Variants in ZNF677 observed in about 807,000 individuals in gnomAD.
The protein encoded by ZNF677 is hypothetical protein MGC48625.
ZNF677 carries 5 observed loss-of-function variants against 8.1 expected under a neutral mutation model. The observed-to-expected ratio is 0.62, with a 90% CI of 0.32 to 1.29. The LOEUF (loss-of-function observed/expected upper bound fraction) is 1.29. Among genes scored for constraint, ZNF677 ranks in the 50% most tolerant of loss-of-function variants. The pLI, the probability that ZNF677 is intolerant of heterozygous loss-of-function variation, is 0.05. For missense variants in ZNF677, 685 were observed against 685.9 expected, an observed-to-expected ratio of 1.00 and a Z score of 0.01; for synonymous variants, 221 against 225.6, an observed-to-expected ratio of 0.98 and a Z score of 0.18.
rs541539640 is a variant in ZNF677, at chr19:53,237,244, C to T, written c.1483G>A (p.Ala495Thr). 7 of 1,613,838 alleles carry T rather than the reference C, an allele frequency of 4.3e-6. No homozygotes were observed. The Admixed American group carries it at 1.0e-4, about 23-fold the overall frequency. The change falls in exon 5 of 5, where the codon GCC becomes ACC. Residue 495 changes from alanine (A) to threonine (T), a missense_variant. Coordinates refer to ENST00000598513, the MANE Select transcript of ZNF677 (RefSeq NM_182609.4). Reference protein sequence around the residue: ...KPYKCTECGKAFTERSNLTQH... With the variant: ...KPYKCTECGKTFTERSNLTQH... ...GTAAGATTTGAACGTTCAGTAAAGG[C>T]TTTGCCACATTCAGTACATTTGTAA...
Position 53,237,199 on chromosome 19 carries a change from T to C in ZNF677, c.1528A>G (p.Thr510Ala). 6.2e-7 allele frequency: 1 copy of C among 1,612,840 alleles called. No homozygotes were observed. Among genetic ancestry groups the C allele is most frequent in the Admixed American group, 1.7e-5 (1 of 59,966 alleles). ...GTACATTTGTAAGGTTTCTCTCCAG[T>C]ATGGATTTTCTTATGCTGAGTAAGA... ...SNLTQHKKIH[T>A]GEKPYKCTEC... Residue 510 changes from threonine to alanine, a missense_variant, in exon 5 of 5, where the codon ACT (threonine) becomes GCT (alanine). By Grantham distance (58) the Thr-to-Ala change is moderately conservative (BLOSUM62 0). Transcript: ENST00000598513.
intron 4 of ZNF677, 124 bp from the exon 5 acceptor site, chr19:53,238,681 C>T: frequency 1.1e-6 from 1 of 924,970 alleles, no homozygotes; most frequent in Non-Finnish European, 1.5e-6. Context: ...AGCTTCTCAA[C>T]TGTCTTTAAA....
chr19:53,244,823 A>T (rs2091110803), intron 3 of ZNF677, among the ~76,000 whole-genome samples: 1 of 152,226 alleles, frequency 6.6e-6, no homozygotes. Flanking sequence ...TCAAAGCTGG[A>T]GTATCACACT....
intron 3 of ZNF677, among the ~76,000 whole-genome samples, chr19:53,246,329 G>A (rs868499367): frequency 2.0e-4 from 14 of 70,318 alleles, no homozygotes; most frequent in African/African-American, 7.2e-4. Context: ...AAAAAAAAGC[G>A]ACCATGATCT....
chr19:53,237,812 G>A lies in ZNF677; in HGVS notation c.915C>T (p.Asn305=), dbSNP rs767561412. ...TATGGACTCTCTGATGCCTAGTGAGGTTCGAACACTGGTTAAAGGCTTTGC... is the reference window on the plus strand; with the variant it reads ...TATGGACTCTCTGATGCCTAGTGAGATTCGAACACTGGTTAAAGGCTTTGC... The part of the protein sequence containing the change: ...ECGKAFNQCS[N]LTRHQRVHTG... The change falls in exon 5 of 5, where the codon AAC becomes AAT. Residue 305 remains asparagine, a synonymous_variant. Coordinates refer to ENST00000598513, the MANE Select transcript of ZNF677 (RefSeq NM_182609.4). The A allele has an allele frequency of 8.1e-6, 13 of 1,612,776 alleles. No individual in the cohort carries two copies. Among genetic ancestry groups the A allele is most frequent in the Non-Finnish European group, 1.0e-5 (12 of 1,179,414 alleles).
rs1328808492 is a variant in ZNF677, at chr19:53,241,948, C to T, written c.169+1796G>A. On this transcript the variant is annotated intron_variant, in intron 4 of 4. Coordinates refer to ENST00000598513, the MANE Select transcript of ZNF677 (RefSeq NM_182609.4). ...CTTTTCTTTTTCTTTTTTTTTTTTT[C>T]GAGATGGAGTTTTGCTCTTGTTGCC... The T allele has an allele frequency of 2.1e-4, 75 of 365,770 alleles. No homozygotes were observed. In the South Asian group the frequency reaches 3.4e-3, roughly 17 times the overall value. The allele number at this position is 365,770 out of a possible 1,614,324, so 22.7% of individuals were successfully genotyped here.
At position 53,238,165 on chromosome 19, in the gene ZNF677, C is replaced by T; in HGVS notation, c.562G>A (p.Glu188Lys). 12 of 1,613,088 alleles carry T rather than the reference C, an allele frequency of 7.4e-6. No individual in the cohort carries two copies. The highest frequency in any genetic ancestry group is 1.0e-5 in the Non-Finnish European group (12 of 1,179,572). The change falls in exon 5 of 5, where the codon GAA becomes AAA. Residue 188 changes from glutamate to lysine, a missense_variant. By Grantham distance (56) the Glu-to-Lys change is moderately conservative. Coordinates refer to ENST00000598513, the MANE Select transcript of ZNF677 (RefSeq NM_182609.4). ...TGTAAGCTTAATCCAATTTTATTTT[C>T]AAAACACTTCACGTATTTGTTTCCG... Reference protein sequence around the residue: ...YAGNKYVKCFENKIGLSLQAQ... With the variant: ...YAGNKYVKCFKNKIGLSLQAQ...
At chr19:53,246,950 T>G (rs1256242404) in intron 3 of ZNF677, among the ~76,000 whole-genome samples, 3 of 152,124 alleles carry the variant, frequency 2.0e-5, no homozygotes, top group African/African-American at 7.2e-5. Flanking sequence ...CAGATTGTAG[T>G]GGTGGTGTCA....
In ZNF677 at chr19:53,238,531, C is replaced by T. The variant is rs368440040; in HGVS notation, c.196G>A (p.Gly66Arg). The T allele has an allele frequency of 4.4e-6, 7 of 1,573,952 alleles. No homozygotes were observed. In the African/African-American group the frequency reaches 9.6e-5, roughly 22 times the overall value. The part of the protein sequence containing the change: ...DDISVGFTSK[G>R]LSPKENNKEE... ...TTATTATTTTCCTTTGGTGATAATCCCTTGCTTGTAAATCCAACAGAAATA... is the reference window on the plus strand; with the variant it reads ...TTATTATTTTCCTTTGGTGATAATCTCTTGCTTGTAAATCCAACAGAAATA... The change falls in exon 5 of 5, where the codon GGA becomes AGA. Residue 66 changes from glycine to arginine, a missense_variant. Gly to Arg is a moderately radical substitution (Grantham distance 125). Transcript: ENST00000598513.
intron 2 of ZNF677, among the ~76,000 whole-genome samples, chr19:53,252,531 T>C (rs2091251158): frequency 6.6e-6 from 1 of 152,216 alleles, no homozygotes; most frequent in African/African-American, 2.4e-5. Flanking sequence ...TAGAAACTTC[T>C]ATTTCATGGG....
At chr19:53,242,426 C>A (rs1256722108) in intron 4 of ZNF677, 16 of 398,440 alleles carry the variant, frequency 4.0e-5, no homozygotes, top group Non-Finnish European at 6.6e-5. Context: ...TGTCCACAGG[C>A]TGCAAGGTGA....
chr19:53,252,738 C>G (rs1262840042), intron 2 of ZNF677, among the ~76,000 whole-genome samples: 1 of 152,140 alleles, frequency 6.6e-6, no homozygotes, highest in Non-Finnish European at 1.5e-5. Flanking sequence ...CAACATCTTG[C>G]AGAGAAAGGA....
intron 2 of ZNF677, 53 bp from the exon 3 acceptor site, chr19:53,251,658 T>G: frequency 6.9e-6 from 9 of 1,298,774 alleles, no homozygotes; most frequent in Non-Finnish European, 9.8e-6. Flanking sequence ...ACCCCCTGCC[T>G]CTACCACACA....
rs2090981303 is a variant in ZNF677, at chr19:53,237,288, G to C, written c.1439C>G (p.Thr480Ser). 6.2e-7 allele frequency: 1 copy of C among 1,612,252 alleles called. No individual in the cohort carries two copies. The highest frequency in any genetic ancestry group is 1.7e-5 in the Admixed American group (1 of 59,848). ...TTTGTAAGGTTTCTCTCCAGTATGA[G>C]TTCTCTGATGACCCCAAAGGTGTGA... ...KRSHLWGHQR[T>S]HTGEKPYKCT... Residue 480 changes from threonine to serine, a missense_variant, in exon 5 of 5, where the codon ACT (threonine) becomes AGT (serine). Physicochemically the swap from Thr to Ser is moderately conservative, Grantham distance 58. Transcript: ENST00000598513.
intron 1 of ZNF677, 73 bp downstream of exon 1, chr19:53,254,760 CA>C: frequency 6.5e-6 from 1 of 152,752 alleles, no homozygotes; most frequent in Non-Finnish European, 1.5e-5. Flanking sequence ...AGGGCGACCC[CA>C]AAACCCGACA....
chr19:53,247,565 T>C (rs1360688576), intron 3 of ZNF677, among the ~76,000 whole-genome samples: 2 of 152,222 alleles, frequency 1.3e-5, no homozygotes, highest in African/African-American at 4.8e-5. Flanking sequence ...CTGGCTGTTC[T>C]ATCCATTATT....
chr19:53,246,087 G>A (rs1364212351), intron 3 of ZNF677, among the ~76,000 whole-genome samples: 1 of 152,100 alleles, frequency 6.6e-6, no homozygotes, highest in Non-Finnish European at 1.5e-5. Flanking sequence ...AGAAGGCCAA[G>A]GCGGATGGAT....
chr19:53,237,795 C>T lies in ZNF677; in HGVS notation c.932G>A (p.Arg311Lys). The T allele has an allele frequency of 6.2e-7, 1 of 1,613,156 alleles. No individual in the cohort carries two copies. The highest frequency in any genetic ancestry group is 8.5e-7 in the Non-Finnish European group (1 of 1,179,640). ...ATATGGTTTCTCTCCTGTATGGACT[C>T]TCTGATGCCTAGTGAGGTTCGAACA... ...NQCSNLTRHQ[R>K]VHTGEKPYQC... The change falls in exon 5 of 5, where the codon AGA becomes AAA. Residue 311 changes from arginine to lysine, a missense_variant. Transcript: ENST00000598513.
rs1413776918 is a variant in ZNF677 at position 53,237,579 on chromosome 19, G to A, written c.1148C>T (p.Ala383Val). 4 of 1,613,394 alleles carry A rather than the reference G, an allele frequency of 2.5e-6. No homozygotes were observed. The highest frequency in any genetic ancestry group is 2.5e-6 in the Non-Finnish European group (3 of 1,179,846). Residue 383 changes from alanine (A) to valine (V), a missense_variant, in exon 5 of 5, where the codon GCC becomes GTC. By Grantham distance (64) the Ala-to-Val change is moderately conservative. Coordinates refer to ENST00000598513, the MANE Select transcript of ZNF677 (RefSeq NM_182609.4). ...KPYKCNECDKAFAERSSLTQH... is the reference protein window; with the variant it reads ...KPYKCNECDKVFAERSSLTQH... The stretch of plus-strand genomic sequence containing the variant: ...GGTAAGGCTTGAACGTTCAGCAAAG[G>A]CTTTGTCACATTCATTACATTTGTA...
Sources: gnomAD v4.1 joint callset for allele counts (sites outside exome capture counted in the v4.1 genomes callset) on GRCh38, gnomAD v4.1.1 for gene constraint, MANE v1.5 for transcripts, NCBI Gene and HGNC (gene_info 2026-07-23, HGNC 2026-07-21) for gene names.